Variants in LRTM1 observed in about 807,000 individuals in gnomAD.
LRTM1 encodes the protein leucine rich repeat transmembrane protein 1.
Under a neutral mutation model 32.4 loss-of-function variants are expected in LRTM1, and 38 were observed. That is an observed-to-expected ratio of 1.17 (90% CI 0.91 to 1.54). LRTM1 has a LOEUF of 1.54. LRTM1 is among the 40% of genes most tolerant of loss of function. The probability of loss-of-function intolerance (pLI) is 0.00; values close to 1 mark genes in which losing one functional copy is unlikely to be tolerated. For missense variants in LRTM1, 466 were observed against 415.4 expected (o/e 1.12, Z -1.06); for synonymous variants, 186 against 169.9 (o/e 1.09, Z -0.74).
At chr3:54,938,652 A>G (rs1048945630) in intron 1 of LRTM1, among the ~76,000 whole-genome samples, 3 of 151,214 alleles carry the variant, frequency 2.0e-5, no homozygotes, top group Admixed American at 6.6e-5. Context: ...CTTGATATAG[A>G]CTCAGTGTCT....
rs146203386 is a variant in LRTM1, at chr3:54,920,938, G to A, written c.605-2046C>T. Reference sequence around the variant, plus strand: ...GGACCCAGAGCCAAGGAAATACCCAGACTGGAGCCTGGGACATAGCTGGAA... The same window carrying A: ...GGACCCAGAGCCAAGGAAATACCCAAACTGGAGCCTGGGACATAGCTGGAA... On this transcript the variant is annotated intron_variant, in intron 2 of 2. Coordinates refer to ENST00000273286, the MANE Select transcript of LRTM1 (RefSeq NM_020678.4). 2.8e-3 allele frequency among the ~76,000 whole-genome samples: 422 copies of A among 152,318 alleles called. 1 individual carries two copies. Among genetic ancestry groups the A allele is most frequent in the African/African-American group, 9.4e-3 (392 of 41,566 alleles).
intron 2 of LRTM1, among the ~76,000 whole-genome samples, chr3:54,919,162 G>C (rs2106925584): frequency 6.6e-6 from 1 of 152,266 alleles, no homozygotes; most frequent in Non-Finnish European, 1.5e-5. Flanking sequence ...TAAATGCTCA[G>C]AGAAAACAAT....
At chr3:54,941,401 A>G (rs1336774715) in intron 1 of LRTM1, among the ~76,000 whole-genome samples, 1 of 152,208 alleles carries the variant, frequency 6.6e-6, no homozygotes, top group Non-Finnish European at 1.5e-5. Context: ...CAGAAAACAT[A>G]TGGATCCTGA....
chr3:54,954,920 C>CA (rs1701844232), intron 1 of LRTM1, among the ~76,000 whole-genome samples: 1 of 152,184 alleles, frequency 6.6e-6, no homozygotes, highest in Admixed American at 6.5e-5. Flanking sequence ...GTGTCTGGAC[C>CA]ACAGTGCATT....
At chr3:54,919,084 C>T (rs1220586464) in intron 2 of LRTM1, among the ~76,000 whole-genome samples, 192 bp from the exon 3 acceptor site, 1 of 151,924 alleles carries the variant, frequency 6.6e-6, no homozygotes, top group Non-Finnish European at 1.5e-5. Flanking sequence ...ACTAAAAATG[C>T]CACACACTAA....
chr3:54,931,793 A>G (rs1701197036), upstream of LRTM1, among the ~76,000 whole-genome samples: 1 of 152,246 alleles, frequency 6.6e-6, no homozygotes, highest in Admixed American at 6.5e-5. Context: ...CCTGAAATGA[A>G]AAATCAATGA....
intron 1 of LRTM1, among the ~76,000 whole-genome samples, chr3:54,962,955 A>G (rs186845414): frequency 1.3e-5 from 2 of 152,268 alleles, no homozygotes; most frequent in East Asian, 1.9e-4. Context: ...TTCTAATTTT[A>G]TATGTTTTAT....
At chr3:54,948,570 A>G (rs1050950843) in intron 1 of LRTM1, among the ~76,000 whole-genome samples, 2 of 152,192 alleles carry the variant, frequency 1.3e-5, no homozygotes, top group African/African-American at 4.8e-5. Flanking sequence ...CAACTGGATG[A>G]TGGTCATGGT....
At chr3:54,928,642 C>T (rs1023977637), upstream of LRTM1, among the ~76,000 whole-genome samples, 14 of 152,168 alleles carry the variant, frequency 9.2e-5, no homozygotes, top group African/African-American at 3.4e-4. Flanking sequence ...CACAACCTTC[C>T]TTCTGGTGCC....
upstream of LRTM1, among the ~76,000 whole-genome samples, chr3:54,932,690 TATAAC>T (rs1701220129): frequency 6.6e-6 from 1 of 152,170 alleles, no homozygotes. Context: ...GATGAGCCCT[TATAAC>T]AAATATGAGC....
rs545233955 is a variant in LRTM1 at position 54,937,638 on chromosome 3, CA to C, written c.-221-12424del. ...CATAAGAGAATGCAGTCTGGCAATT[CA>C]GCCTGAGAGGTGAGGGCAGGCATCC... On this transcript the variant is annotated intron_variant, in intron 1 of 2. Transcript: ENST00000493075. 3.9e-5 allele frequency among the ~76,000 whole-genome samples: 6 copies of C among 152,274 alleles called. No individual in the cohort carries two copies. In the East Asian group the frequency reaches 1.2e-3, roughly 29 times the overall value.
upstream of LRTM1, among the ~76,000 whole-genome samples, chr3:54,928,289 G>A (rs1040413185): frequency 2.0e-5 from 3 of 152,068 alleles, no homozygotes; most frequent in South Asian, 2.1e-4. Flanking sequence ...CCAGTGCCTC[G>A]GCCTTTTTGA....
At chr3:54,961,806 C>A (rs1388408473) in intron 1 of LRTM1, among the ~76,000 whole-genome samples, 1 of 152,138 alleles carries the variant, frequency 6.6e-6, no homozygotes, top group Non-Finnish European at 1.5e-5. Flanking sequence ...CTTCTGTTTT[C>A]TTTTGCTTTT....
chr3:54,965,048 G>A (rs1326505219), intron 1 of LRTM1, among the ~76,000 whole-genome samples: 2 of 152,140 alleles, frequency 1.3e-5, no homozygotes, highest in Non-Finnish European at 2.9e-5. Context: ...AACGGCAGAT[G>A]TCAGAATACT....
At chr3:54,955,766 T>A (rs1369297908) in intron 1 of LRTM1, among the ~76,000 whole-genome samples, 1 of 151,526 alleles carries the variant, frequency 6.6e-6, no homozygotes, top group African/African-American at 2.4e-5. Flanking sequence ...TGAGAAGGAG[T>A]TGGAGTTGAC....
At chr3:54,955,846 C>T (rs994483802) in intron 1 of LRTM1, among the ~76,000 whole-genome samples, 2 of 152,160 alleles carry the variant, frequency 1.3e-5, no homozygotes, top group African/African-American at 4.8e-5. Context: ...ACCAGCTAAG[C>T]CTGCTCACGA....
intron 2 of LRTM1, among the ~76,000 whole-genome samples, chr3:54,921,181 TAGCTCTTCACCTCTGTCTTGGG>T (rs59751005): frequency 0.6 from 91,140 of 151,898 alleles, 27,612 homozygotes; most frequent in East Asian, 0.76. Flanking sequence ...TGATCACTAG[TAGCTCTTCACCTCTGTCTTGGG>T]AGAAACTAGA....
intron 1 of LRTM1, among the ~76,000 whole-genome samples, chr3:54,950,477 A>T (rs534912951): frequency 6.6e-6 from 1 of 152,316 alleles, no homozygotes; most frequent in South Asian, 2.1e-4. Context: ...CAAGGCAGCG[A>T]TATAATGCTG....
chr3:54,941,744 A>G (rs1466564937), intron 1 of LRTM1, among the ~76,000 whole-genome samples: 3 of 152,212 alleles, frequency 2.0e-5, no homozygotes, highest in Non-Finnish European at 4.4e-5. Context: ...GAGGGTTCGC[A>G]TGGATGTCTT....
Sources: allele counts gnomAD v4.1 joint callset (sites outside exome capture counted in the v4.1 genomes callset), GRCh38; gene constraint gnomAD v4.1.1; transcripts MANE v1.5; gene names NCBI Gene and HGNC (gene_info 2026-07-23, HGNC 2026-07-21).